GRIA1: variants seen among roughly 807,000 people sequenced by gnomAD.
GRIA1 encodes the protein glutamate receptor 1.
A neutral mutation model predicts 99.2 loss-of-function variants in GRIA1; 31 were observed. The ratio of observed to expected loss-of-function variants is 0.31; its 90% CI spans 0.23 to 0.42. The LOEUF is 0.42. GRIA1 is among the 10% of genes least tolerant of loss of function. The pLI is 1.00. For missense variants in GRIA1, 782 were observed against 1,157.5 expected (o/e 0.68, Z 4.71); for synonymous variants, 438 against 432.4 (o/e 1.01, Z -0.16).
intron 2 of GRIA1, among the ~76,000 whole-genome samples, chr5:153,586,387 G>A (rs988741486): frequency 1.3e-5 from 2 of 152,190 alleles, no homozygotes; most frequent in Non-Finnish European, 2.9e-5. Context: ...CATTCACCGA[G>A]TAAGGAGACT....
intron 2 of GRIA1, among the ~76,000 whole-genome samples, chr5:153,500,799 C>T (rs1227613876): frequency 6.6e-6 from 1 of 152,140 alleles, no homozygotes; most frequent in African/African-American, 2.4e-5. Context: ...ACACACCCCA[C>T]ACACCTTCCT....
chr5:153,741,668 G>T (rs6878548), intron 11 of GRIA1, among the ~76,000 whole-genome samples: 1 of 151,968 alleles, frequency 6.6e-6, no homozygotes, highest in Admixed American at 6.5e-5. Flanking sequence ...GACAAATACC[G>T]CATGGTTCCA....
intron 11 of GRIA1, among the ~76,000 whole-genome samples, chr5:153,743,581 A>C (rs1187996054): frequency 7.4e-6 from 1 of 135,802 alleles, no homozygotes; most frequent in East Asian, 4.0e-4. Flanking sequence ...TGGCCCCTCC[A>C]ACTCAGTGAT....
At chr5:153,652,443 AT>A (rs1033878635) in intron 4 of GRIA1, among the ~76,000 whole-genome samples, 1 of 152,140 alleles carries the variant, frequency 6.6e-6, no homozygotes. Flanking sequence ...CAATTCCCCT[AT>A]TTTATAGATG....
chr5:153,743,296 T>C (rs912912844), intron 11 of GRIA1, among the ~76,000 whole-genome samples: 2 of 152,186 alleles, frequency 1.3e-5, no homozygotes, highest in African/African-American at 4.8e-5. Context: ...ACAAACTTAG[T>C]AGCTTCGACA....
At chr5:153,681,156 G>A (rs1024992142) in intron 7 of GRIA1, among the ~76,000 whole-genome samples, 1 of 152,156 alleles carries the variant, frequency 6.6e-6, no homozygotes, top group Non-Finnish European at 1.5e-5. Flanking sequence ...AGTATGTCAC[G>A]TAGTAAGAGA....
intron 2 of GRIA1, among the ~76,000 whole-genome samples, chr5:153,590,358 G>A (rs1460491033): frequency 1.3e-5 from 2 of 152,130 alleles, no homozygotes; most frequent in Non-Finnish European, 2.9e-5. Context: ...TATGGAAACA[G>A]CAGCTTTGCA....
At chr5:153,639,148 C>T (rs1487722602) in intron 2 of GRIA1, among the ~76,000 whole-genome samples, 2 of 152,206 alleles carry the variant, frequency 1.3e-5, no homozygotes, top group African/African-American at 4.8e-5. Context: ...ACAACCTTCC[C>T]CTCCATTGTC....
intron 5 of GRIA1, among the ~76,000 whole-genome samples, chr5:153,667,671 A>C (rs1755846103): frequency 6.6e-6 from 1 of 152,222 alleles, no homozygotes; most frequent in South Asian, 2.1e-4. Flanking sequence ...AAGACCAGAG[A>C]ACTGAGCCTC....
intron 13 of GRIA1, among the ~76,000 whole-genome samples, chr5:153,780,499 G>A (rs1442521260): frequency 3.9e-5 from 6 of 152,186 alleles, no homozygotes; most frequent in Admixed American, 3.9e-4. Context: ...AAAAACTGGA[G>A]GTAACTCTGG....
At chr5:153,492,007 G>A (rs2113172597) in intron 1 of GRIA1, among the ~76,000 whole-genome samples, 1 of 152,340 alleles carries the variant, frequency 6.6e-6, no homozygotes, top group South Asian at 2.1e-4. Context: ...CAGCATGTCA[G>A]TGTCGTTTGT....
intron 2 of GRIA1, among the ~76,000 whole-genome samples, chr5:153,534,701 T>C (rs181151129): frequency 4.5e-4 from 68 of 152,298 alleles, no homozygotes; most frequent in African/African-American, 1.5e-3. Flanking sequence ...ACCAGCTGTG[T>C]GACCCTGAAG....
At chr5:153,499,198 A>G (rs1754725165) in intron 2 of GRIA1, among the ~76,000 whole-genome samples, 1 of 152,192 alleles carries the variant, frequency 6.6e-6, no homozygotes, top group Admixed American at 6.5e-5. Flanking sequence ...CATTTCATTG[A>G]TGATGGTACT....
chr5:153,602,132 A>G (rs1167271701), intron 2 of GRIA1, among the ~76,000 whole-genome samples: 1 of 152,206 alleles, frequency 6.6e-6, no homozygotes. Context: ...AACCAACCCA[A>G]ATGTCCAACA....
At chr5:153,674,206 C>A (rs537658712) in intron 5 of GRIA1, among the ~76,000 whole-genome samples, 5 of 152,342 alleles carry the variant, frequency 3.3e-5, no homozygotes, top group African/African-American at 4.8e-5. Flanking sequence ...AACAACCAGA[C>A]CTCCATTATT....
intron 8 of GRIA1, among the ~76,000 whole-genome samples, chr5:153,687,999 T>C (rs1757455818): frequency 6.6e-6 from 1 of 152,220 alleles, no homozygotes; most frequent in Non-Finnish European, 1.5e-5. Context: ...GTTAAGTTTG[T>C]TTCTTTGCCT....
At chr5:153,500,960 C>T (rs1754958090) in intron 2 of GRIA1, among the ~76,000 whole-genome samples, 1 of 152,116 alleles carries the variant, frequency 6.6e-6, no homozygotes, top group African/African-American at 2.4e-5. Context: ...AGCTCATGGT[C>T]TCTGAGAGTC....
At position 153,770,259 on chromosome 5, in the gene GRIA1, T is replaced by C; in HGVS notation, c.2114T>C (p.Ile705Thr). 6.2e-7 allele frequency: 1 copy of C among 1,613,962 alleles called. No individual in the cohort carries two copies. The highest frequency in any genetic ancestry group is 2.2e-5 in the East Asian group (1 of 44,870). Reference protein sequence around the residue: ...VFVRTTEEGMIRVRKSKGKYA... With the variant: ...VFVRTTEEGMTRVRKSKGKYA... Reference sequence around the variant, plus strand: ...GTGCGGACCACAGAGGAGGGGATGATTCGAGTGAGGAAATCCAAAGGCAAA... The same window carrying C: ...GTGCGGACCACAGAGGAGGGGATGACTCGAGTGAGGAAATCCAAAGGCAAA... Residue 705 changes from isoleucine to threonine, a missense_variant, in exon 13 of 16, where the codon ATT becomes ACT. By Grantham distance (89) the Ile-to-Thr change is moderately conservative (BLOSUM62 -1). Transcript: ENST00000285900.
intron 2 of GRIA1, among the ~76,000 whole-genome samples, chr5:153,575,938 A>G (rs1307990913): frequency 6.6e-6 from 1 of 152,226 alleles, no homozygotes; most frequent in Non-Finnish European, 1.5e-5. Context: ...GGACATGGAA[A>G]AGAATTACAT....
Sources: allele counts gnomAD v4.1 joint callset (sites outside exome capture counted in the v4.1 genomes callset), GRCh38; gene constraint gnomAD v4.1.1; transcripts MANE v1.5; gene names NCBI Gene and HGNC (gene_info 2026-07-23, HGNC 2026-07-21).